Variants in ZNF100 observed in about 807,000 individuals in gnomAD.
The protein encoded by ZNF100 is zinc finger protein 100.
In ZNF100, 12 loss-of-function variants were observed where a neutral mutation model predicts 15.8. The observed-to-expected ratio is 0.76, with a 90% CI of 0.49 to 1.23. The LOEUF (loss-of-function observed/expected upper bound fraction) is 1.23. ZNF100 is among the 50% of genes most tolerant of loss of function. ZNF100 has a pLI of 0.00. For synonymous variants in ZNF100, 226 were observed against 214.8 expected (o/e 1.05, Z -0.45); for missense variants, 670 against 635.6 (o/e 1.05, Z -0.58).
intron 4 of ZNF100, among the ~76,000 whole-genome samples, chr19:21,734,394 AC>A (rs2035973594): frequency 6.6e-6 from 1 of 152,214 alleles, no homozygotes; most frequent in Non-Finnish European, 1.5e-5. Flanking sequence ...CTGAAAAACA[AC>A]ATGAGAACCT....
At chr19:21,752,832 T>C (rs1289225985) in intron 2 of ZNF100, 2 of 151,992 alleles carry the variant, frequency 1.3e-5, no homozygotes, top group Non-Finnish European at 2.9e-5. Flanking sequence ...GAGAGTTTTG[T>C]TTTTTTTCTT....
Position 21,727,008 on chromosome 19 carries a change from C to G in ZNF100, c.1304G>C (p.Gly435Ala). The change falls in exon 5 of 5, where the codon GGC (glycine) becomes GCC (alanine). Residue 435 changes from glycine to alanine, a missense_variant. Gly to Ala is a moderately conservative substitution (Grantham distance 60). Coordinates refer to ENST00000358296, the MANE Select transcript of ZNF100 (RefSeq NM_173531.4). ...GTTTGAGGACTCATTAAAAGCTTTG[C>G]CACATTCTTCACATTTGTAGGGTTT... ...GEKPYKCEEC[G>A]KAFNESSNLT... 6.2e-7 allele frequency: 1 copy of G among 1,613,760 alleles called. No homozygotes were observed. Among genetic ancestry groups the G allele is most frequent in the Non-Finnish European group, 8.5e-7 (1 of 1,179,888 alleles).
At chr19:21,744,905 G>C in intron 3 of ZNF100, 36 bp downstream of exon 3, 1 of 1,588,412 alleles carries the variant, frequency 6.3e-7, no homozygotes, top group Non-Finnish European at 8.5e-7. Flanking sequence ...AAACCTTTAC[G>C]GTATATTAGA....
At chr19:21,747,989 C>T (rs2036241005) in intron 2 of ZNF100, among the ~76,000 whole-genome samples, 1 of 151,878 alleles carries the variant, frequency 6.6e-6, no homozygotes, top group African/African-American at 2.4e-5. Context: ...AAAAAATGTA[C>T]AGAATAAGGC....
rs761625017 is a variant in ZNF100 at position 21,725,451 on chromosome 19, T to G, written c.*1232A>C. ...TGCCTAACGCACACATTGCTTAATA[T>G]TATAAGTTAACCATAAAAGTCTCTT... On this transcript the variant is annotated 3_prime_UTR_variant, in exon 5 of 5. Coordinates refer to ENST00000358296, the MANE Select transcript of ZNF100 (RefSeq NM_173531.4). 5 of 152,138 alleles carry G rather than the reference T, an allele frequency of 3.3e-5. No individual in the cohort carries two copies. The highest frequency in any genetic ancestry group is 7.4e-5 in the Non-Finnish European group (5 of 68,000). 9.4% of individuals were successfully genotyped at this position (152,138 alleles called of 1,614,324 possible).
chr19:21,729,801 A>G (rs543905604), intron 4 of ZNF100, among the ~76,000 whole-genome samples: 1 of 152,126 alleles, frequency 6.6e-6, no homozygotes, highest in East Asian at 1.9e-4. Flanking sequence ...GTTAATAAAT[A>G]TACAACATAA....
At chr19:21,750,858 G>C in intron 2 of ZNF100, 1 of 513,550 alleles carries the variant, frequency 1.9e-6, no homozygotes, top group East Asian at 3.0e-5. Flanking sequence ...TGGGGAACAC[G>C]CTGACCTATT....
At chr19:21,728,928 C>CA (rs764304913) in intron 4 of ZNF100, among the ~76,000 whole-genome samples, 4 of 150,606 alleles carry the variant, frequency 2.7e-5, no homozygotes, top group East Asian at 2.0e-4. Flanking sequence ...TTTAGAATAT[C>CA]AAAAAAACAA....
At chr19:21,740,491 A>G (rs2145709059) in intron 4 of ZNF100, among the ~76,000 whole-genome samples, 1 of 152,260 alleles carries the variant, frequency 6.6e-6, no homozygotes, top group East Asian at 1.9e-4. Flanking sequence ...ATTAGAAAAA[A>G]AAAACATTCA....
intron 2 of ZNF100, among the ~76,000 whole-genome samples, chr19:21,756,124 GATT>G (rs2036390179): frequency 6.6e-6 from 1 of 152,168 alleles, no homozygotes; most frequent in Admixed American, 6.5e-5. Context: ...AAAACCACAT[GATT>G]ATTTCAATAG....
intron 4 of ZNF100, among the ~76,000 whole-genome samples, chr19:21,731,774 T>G (rs535148047): frequency 6.6e-6 from 1 of 152,318 alleles, no homozygotes; most frequent in African/African-American, 2.4e-5. Context: ...ACAGAGATTG[T>G]ATGAGACACA....
chr19:21,756,484 C>T (rs565616935), intron 2 of ZNF100, among the ~76,000 whole-genome samples: 2 of 99,050 alleles, frequency 2.0e-5, no homozygotes, highest in East Asian at 6.2e-4. Flanking sequence ...ATGCCATTCA[C>T]AATTGCCACA....
chr19:21,738,725 G>A (rs561615827), intron 4 of ZNF100, among the ~76,000 whole-genome samples: 77 of 152,142 alleles, frequency 5.1e-4, no homozygotes, highest in African/African-American at 1.5e-3. Context: ...TTGGGAGGTC[G>A]ATGAGGTCAG....
chr19:21,751,217 C>T lies in ZNF100; in HGVS notation c.97-6150G>A, dbSNP rs533466487. 1.2e-3 allele frequency: 1,522 copies of T among 1,298,566 alleles called. 5 individuals carry two copies. The highest frequency in any genetic ancestry group is 7.0e-3 in the South Asian group (590 of 84,454). The allele number at this position is 1,298,566 out of a possible 1,614,324, so 80.4% of individuals were successfully genotyped here. A position where few individuals can be genotyped will look rare whatever the true frequency, so the allele number is the denominator to read the frequency against. ...ACTAAAAAGTATAGCTCATGCTCAACAATATTTCTAGGTGACAGAACAGTC... is the reference window on the plus strand; with the variant it reads ...ACTAAAAAGTATAGCTCATGCTCAATAATATTTCTAGGTGACAGAACAGTC... On this transcript the variant is annotated intron_variant, in intron 2 of 4. Coordinates refer to ENST00000358296, the MANE Select transcript of ZNF100 (RefSeq NM_173531.4).
chr19:21,749,279 T>A (rs372990661), intron 2 of ZNF100, among the ~76,000 whole-genome samples: 4 of 148,846 alleles, frequency 2.7e-5, no homozygotes, highest in African/African-American at 1.0e-4. Flanking sequence ...ATCTCTTGTA[T>A]GAGTATGAAG....
At position 21,724,761 on chromosome 19, in the gene ZNF100, T is replaced by A. The variant is rs1316745550; in HGVS notation, c.*1922A>T. ...TTAAGAAAAATAAATTTAAATAAAA[T>A]AAACATTTGGCTGGGCACGGTGGCT... On this transcript the variant is annotated 3_prime_UTR_variant, in exon 5 of 5. Transcript: ENST00000358296. 6.6e-6 allele frequency: 1 copy of A among 152,002 alleles called. No homozygotes were observed. Among genetic ancestry groups the A allele is most frequent in the East Asian group, 1.9e-4 (1 of 5,182 alleles). 9.4% of individuals were successfully genotyped at this position (152,002 alleles called of 1,614,324 possible).
chr19:21,759,901 G>A (rs532506696), intron 2 of ZNF100, among the ~76,000 whole-genome samples: 1 of 152,298 alleles, frequency 6.6e-6, no homozygotes, highest in South Asian at 2.1e-4. Context: ...TAAATGTACA[G>A]GCCAGGTGCA....
At chr19:21,750,222 A>G (rs932691542) in intron 2 of ZNF100, among the ~76,000 whole-genome samples, 1 of 152,212 alleles carries the variant, frequency 6.6e-6, no homozygotes, top group Non-Finnish European at 1.5e-5. Flanking sequence ...GCCACCAATC[A>G]CAAATAGCAA....
chr19:21,756,221 AAAT>A (rs1320744011), intron 2 of ZNF100, among the ~76,000 whole-genome samples: 1 of 152,218 alleles, frequency 6.6e-6, no homozygotes, highest in Admixed American at 6.5e-5. Context: ...ACATACTTCA[AAAT>A]AATGAGTCAT....
Sources: allele counts gnomAD v4.1 joint callset (sites outside exome capture counted in the v4.1 genomes callset), GRCh38; gene constraint gnomAD v4.1.1; transcripts MANE v1.5; gene names NCBI Gene and HGNC (gene_info 2026-07-23, HGNC 2026-07-21).